STK32C: variants seen among roughly 807,000 people sequenced by gnomAD.
STK32C encodes serine/threonine-protein kinase 32C.
Under a neutral mutation model 56.5 loss-of-function variants are expected in STK32C, and 31 were observed. The observed-to-expected ratio is 0.55, with a 90% CI of 0.41 to 0.74. The LOEUF (loss-of-function observed/expected upper bound fraction) is 0.74. Ranked by LOEUF, STK32C falls within the 30% of genes least tolerant of loss-of-function variation. The pLI is 0.00. For synonymous variants in STK32C, 309 were observed against 289.4 expected (o/e 1.07, Z -0.69); for missense variants, 544 against 676.9 (o/e 0.80, Z 2.18).
chr10:132,283,051 T>C (rs2065265165), intron 1 of STK32C, among the ~76,000 whole-genome samples: 1 of 152,168 alleles, frequency 6.6e-6, no homozygotes, highest in Admixed American at 6.5e-5. Context: ...CCCCACTCCA[T>C]GCAGCCAACC....
rs184738637 is a variant in STK32C, at chr10:132,296,415, C to T, written c.262+11157G>A. On this transcript the variant is annotated intron_variant, in intron 1 of 11. Coordinates refer to ENST00000298630, the MANE Select transcript of STK32C (RefSeq NM_173575.4). ...GTCCTCTAGTTACGACAAATGTACC[C>T]GGTTAATGCCAGACGGTGACGTAAG... is the stretch of plus-strand genomic sequence containing the variant. Among the ~76,000 whole-genome samples the T allele has an allele frequency of 6.1e-4, 93 of 152,066 alleles. 1 individual carries two copies. The highest frequency in any genetic ancestry group is 2.2e-3 in the African/African-American group (90 of 41,442).
intron 1 of STK32C, among the ~76,000 whole-genome samples, chr10:132,314,379 T>C (rs555958074): frequency 3.0e-4 from 46 of 152,260 alleles, no homozygotes; most frequent in African/African-American, 1.1e-3. Flanking sequence ...TCCACAGCAA[T>C]GCCTTTAAAA....
At chr10:132,222,115 C>CA (rs2062693655) in intron 10 of STK32C, among the ~76,000 whole-genome samples, 1 of 148,680 alleles carries the variant, frequency 6.7e-6, no homozygotes, top group Admixed American at 6.7e-5. Context: ...CCCACACACA[C>CA]ACCTGATGCT....
intron 1 of STK32C, among the ~76,000 whole-genome samples, chr10:132,267,485 C>T (rs1590329722): frequency 8.2e-6 from 1 of 121,860 alleles, no homozygotes; most frequent in South Asian, 2.4e-4. Context: ...CTATGCCTGT[C>T]TGTGTGCATG....
At chr10:132,211,260 C>A (rs1211769228) in intron 10 of STK32C, among the ~76,000 whole-genome samples, 1 of 152,136 alleles carries the variant, frequency 6.6e-6, no homozygotes, top group Non-Finnish European at 1.5e-5. Context: ...AAGGCTCAGA[C>A]TACTCAGGAA....
At chr10:132,330,905 T>C (rs575449342) in intron 1 of STK32C, among the ~76,000 whole-genome samples, 1 of 151,662 alleles carries the variant, frequency 6.6e-6, no homozygotes, top group African/African-American at 2.4e-5. Context: ...GTCGTTTCCT[T>C]TAAAAAGTGG....
chr10:132,314,655 G>T (rs1167395564), intron 1 of STK32C, among the ~76,000 whole-genome samples: 3 of 151,870 alleles, frequency 2.0e-5, no homozygotes, highest in Non-Finnish European at 4.4e-5. Context: ...CACTAAAAAA[G>T]AATTTAAAAG....
intron 1 of STK32C, among the ~76,000 whole-genome samples, chr10:132,299,296 GC>G (rs2065845652): frequency 6.7e-6 from 1 of 150,288 alleles, no homozygotes; most frequent in Non-Finnish European, 1.5e-5. Flanking sequence ...GACCCCAGCA[GC>G]ATGGATAGCT....
intron 2 of STK32C, among the ~76,000 whole-genome samples, chr10:132,235,977 G>T (rs1590212218): frequency 1.3e-5 from 2 of 152,354 alleles, no homozygotes; most frequent in East Asian, 3.9e-4. Context: ...CGAGGGCACA[G>T]CGGGAGGTGG....
At chr10:132,302,780 G>A (rs1289271011) in intron 1 of STK32C, among the ~76,000 whole-genome samples, 1 of 152,198 alleles carries the variant, frequency 6.6e-6, no homozygotes, top group African/African-American at 2.4e-5. Context: ...TACCAACCGT[G>A]CGGGAGGAGC....
intron 2 of STK32C, among the ~76,000 whole-genome samples, chr10:132,239,366 C>T (rs2063419055): frequency 2.0e-5 from 3 of 152,224 alleles, no homozygotes; most frequent in African/African-American, 4.8e-5. Flanking sequence ...GCCCATCTCA[C>T]ACACACAATC....
rs190147127 is a variant in STK32C at position 132,225,967 on chromosome 10, G to A, written c.645-183C>T. Among the ~76,000 whole-genome samples the A allele has an allele frequency of 2.4e-4, 37 of 152,348 alleles. No homozygotes were observed. The East Asian group carries it at 3.1e-3, about 13-fold the overall frequency. The stretch of plus-strand genomic sequence containing the variant: ...CACACCCCTGCGTGGGGGCAGAGGC[G>A]ATGAAGTCAGCCACTTCGTTCCCTG... On this transcript the variant is annotated intron_variant, in intron 4 of 11. Transcript: ENST00000298630.
chr10:132,242,663 GCCC>G (rs1317920452), intron 2 of STK32C, among the ~76,000 whole-genome samples: 3 of 151,794 alleles, frequency 2.0e-5, no homozygotes, highest in Non-Finnish European at 4.4e-5. Flanking sequence ...GGCCCCCCGC[GCCC>G]CCTTCTCCCA....
chr10:132,237,101 T>C (rs1302652697), intron 2 of STK32C, among the ~76,000 whole-genome samples: 1 of 152,222 alleles, frequency 6.6e-6, no homozygotes, highest in Non-Finnish European at 1.5e-5. Flanking sequence ...CTCCCGACTG[T>C]TGAGACCGGA....
At chr10:132,319,655 G>A (rs974451373), downstream of STK32C, among the ~76,000 whole-genome samples, 1 of 152,210 alleles carries the variant, frequency 6.6e-6, no homozygotes, top group Non-Finnish European at 1.5e-5. Flanking sequence ...TGCTTCCCTA[G>A]GGCTGGGGTG....
intron 1 of STK32C, among the ~76,000 whole-genome samples, chr10:132,328,448 G>A (rs1179052787): frequency 6.6e-6 from 1 of 152,192 alleles, no homozygotes; most frequent in Non-Finnish European, 1.5e-5. Context: ...GCAATTTGGG[G>A]AGGTTTAGAC....
At chr10:132,256,966 T>TGAGGGGGAGCGAGCC (rs1230149084) in intron 1 of STK32C, among the ~76,000 whole-genome samples, 2 of 151,934 alleles carry the variant, frequency 1.3e-5, no homozygotes, top group African/African-American at 4.8e-5. Flanking sequence ...CAGCACTGGA[T>TGAGGGGGAGCGAGCC]GAGGGGGAGC....
chr10:132,230,190 T>C (rs949425899), intron 2 of STK32C, among the ~76,000 whole-genome samples: 3 of 152,238 alleles, frequency 2.0e-5, no homozygotes, highest in Non-Finnish European at 4.4e-5. Context: ...CTGCATTTCC[T>C]ATGACCATTT....
chr10:132,283,352 C>T (rs1255373976), intron 1 of STK32C, among the ~76,000 whole-genome samples: 2 of 152,248 alleles, frequency 1.3e-5, no homozygotes, highest in Admixed American at 1.3e-4. Context: ...GCGGAGCAAA[C>T]AGGCTGTGAA....
Sources: allele counts gnomAD v4.1 joint callset (sites outside exome capture counted in the v4.1 genomes callset), GRCh38; gene constraint gnomAD v4.1.1; transcripts MANE v1.5; gene names NCBI Gene and HGNC (gene_info 2026-07-23, HGNC 2026-07-21).